Variants in AGAP1 observed in about 807,000 individuals in gnomAD.
AGAP1 encodes arf-GAP with GTPase, ANK repeat and PH domain-containing protein 1.
AGAP1 carries 29 observed loss-of-function variants against 105.3 expected under a neutral mutation model. That is an observed-to-expected ratio of 0.28 (90% CI 0.21 to 0.38). The LOEUF (loss-of-function observed/expected upper bound fraction) is 0.38, where lower values mean the gene tolerates loss of function less well. Among genes scored for constraint, AGAP1 ranks in the 10% least tolerant of loss-of-function variants. The pLI, the probability that AGAP1 is intolerant of heterozygous loss-of-function variation, is 1.00. For missense variants in AGAP1, 998 were observed against 1,165.1 expected (o/e 0.86, Z 2.09); for synonymous variants, 509 against 485.9 (o/e 1.05, Z -0.63).
intron 9 of AGAP1, among the ~76,000 whole-genome samples, chr2:235,876,580 C>G (rs1286527078): frequency 5.9e-5 from 9 of 152,180 alleles, no homozygotes; most frequent in Admixed American, 2.6e-4. Flanking sequence ...GTGGCTGATA[C>G]CAAAGTCTTC....
At chr2:235,735,674 C>T (rs1306283946) in intron 3 of AGAP1, among the ~76,000 whole-genome samples, 1 of 152,128 alleles carries the variant, frequency 6.6e-6, no homozygotes, top group Non-Finnish European at 1.5e-5. Flanking sequence ...GGAAATAACT[C>T]AGTTCCACCT....
In AGAP1 at chr2:236,056,849, G is replaced by T. The variant is rs768336215; in HGVS notation, c.2114+7568G>T. Among the ~76,000 whole-genome samples the T allele has an allele frequency of 3.3e-5, 5 of 152,086 alleles. No homozygotes were observed. Among genetic ancestry groups the T allele is most frequent in the South Asian group, 2.1e-4 (1 of 4,826 alleles). On this transcript the variant is annotated intron_variant, in intron 16 of 17. Transcript: ENST00000304032. The surrounding 1 kb of genome is among the most constrained non-coding windows in gnomAD (Gnocchi z 4.6). ...GCACCAAGATCTGACTCCAGATGCC[G>T]CTCTGCAGTCCTGCTGCTGCTCCTG... is the stretch of plus-strand genomic sequence containing the variant.
chr2:235,981,754 A>G lies in AGAP1; in HGVS notation c.1645+13131A>G, dbSNP rs974816483. On this transcript the variant is annotated intron_variant, in intron 13 of 17. Coordinates refer to ENST00000304032, the MANE Select transcript of AGAP1 (RefSeq NM_001037131.3). The surrounding 1 kb of genome is among the most constrained non-coding windows in gnomAD (Gnocchi z 5.5). ...TAACTGAGGAAACCGAGGGTCATAA[A>G]GTTTAAGTAACTTGCTCAAGGCCAT... Among the ~76,000 whole-genome samples, 1 of 152,176 alleles carries G rather than the reference A, an allele frequency of 6.6e-6. No individual in the cohort carries two copies. Among genetic ancestry groups the G allele is most frequent in the East Asian group, 1.9e-4 (1 of 5,188 alleles).
chr2:235,532,698 T>C (rs1943084701), intron 1 of AGAP1, among the ~76,000 whole-genome samples: 1 of 152,190 alleles, frequency 6.6e-6, no homozygotes, highest in African/African-American at 2.4e-5. Flanking sequence ...CTGGATGCTT[T>C]AAATAAAAAA....
intron 12 of AGAP1, among the ~76,000 whole-genome samples, chr2:235,935,978 G>T (rs987720934): frequency 1.3e-5 from 2 of 152,136 alleles, no homozygotes; most frequent in African/African-American, 4.8e-5. Context: ...AGCCTGGCCC[G>T]GCCCTCCCCG....
rs1391954758 is a variant in AGAP1 at position 235,777,207 on chromosome 2, A to C, written c.674-20552A>C. 2.6e-5 allele frequency among the ~76,000 whole-genome samples: 4 copies of C among 152,172 alleles called. No homozygotes were observed. The South Asian group carries it at 6.2e-4, about 24-fold the overall frequency. On this transcript the variant is annotated intron_variant, in intron 6 of 17. Coordinates refer to ENST00000304032, the MANE Select transcript of AGAP1 (RefSeq NM_001037131.3). This position sits in a 1 kb window ranked among gnomAD's most constrained non-coding sequence, Gnocchi z 5.1. Reference sequence around the variant, plus strand: ...CCCTGTCTCTACTAAAAATACAAAAAATTAGCCAGGCGTGCGCCTGTAATC... The same window carrying C: ...CCCTGTCTCTACTAAAAATACAAAACATTAGCCAGGCGTGCGCCTGTAATC...
intron 5 of AGAP1, among the ~76,000 whole-genome samples, chr2:235,746,485 G>A (rs998032555): frequency 3.4e-5 from 5 of 146,338 alleles, no homozygotes; most frequent in African/African-American, 1.0e-4. Context: ...ACAGAAGGGA[G>A]GAGGGATTCT....
In AGAP1 at chr2:235,551,514, G is replaced by C. The variant is rs986501341; in HGVS notation, c.163+56665G>C. Among the ~76,000 whole-genome samples, 1 of 152,016 alleles carries C rather than the reference G, an allele frequency of 6.6e-6. No individual in the cohort carries two copies. The highest frequency in any genetic ancestry group is 6.5e-5 in the Admixed American group (1 of 15,272). The stretch of plus-strand genomic sequence containing the variant: ...GGGTCGTCCAGTGATACTCAGATTG[G>C]TCTCTAACTCCTGGGCTCAAGGGAT... On this transcript the variant is annotated intron_variant, in intron 1 of 17. Coordinates refer to ENST00000304032, the MANE Select transcript of AGAP1 (RefSeq NM_001037131.3). This position sits in a 1 kb window ranked among gnomAD's most constrained non-coding sequence, Gnocchi z 4.8.
rs1166523228 is a variant in AGAP1 at position 235,604,572 on chromosome 2, C to CTTTTTTTTTTTTTTTTT, written c.164-104595_164-104579dup. ...CGTGTTTCTTTTTTATTTTTATTAT[C>CTTTTTTTTTTTTTTTTT]TTTTTTTTTTTTTTTTTTTTTTTTT... On this transcript the variant is annotated intron_variant, in intron 1 of 17. Transcript: ENST00000304032. Among the ~76,000 whole-genome samples, 11 of 69,672 alleles carry CTTTTTTTTTTTTTTTTT rather than the reference C, an allele frequency of 1.6e-4. 1 individual carries two copies. Among genetic ancestry groups the CTTTTTTTTTTTTTTTTT allele is most frequent in the African/African-American group, 2.7e-4 (4 of 14,974 alleles). The allele number at this position is 69,672 out of a possible 152,430, so 45.7% of individuals were successfully genotyped here. A position where few individuals can be genotyped will look rare whatever the true frequency, so the allele number is the denominator to read the frequency against.
At chr2:235,880,348 G>T (rs1166385075) in intron 9 of AGAP1, among the ~76,000 whole-genome samples, 1 of 152,112 alleles carries the variant, frequency 6.6e-6, no homozygotes, top group South Asian at 2.1e-4. Flanking sequence ...GCATTTGTCT[G>T]AGTGGGAAGG....
In AGAP1 at chr2:236,080,669, G is replaced by A. The variant is rs929938449; in HGVS notation, c.2114+31388G>A. Among the ~76,000 whole-genome samples the A allele has an allele frequency of 1.1e-4, 16 of 152,184 alleles. No homozygotes were observed. Among genetic ancestry groups the A allele is most frequent in the Non-Finnish European group, 1.5e-4 (10 of 68,036 alleles). The stretch of plus-strand genomic sequence containing the variant: ...CCCACTTAGTGGTTTAAAGTAACAC[G>A]GAAGTATTCCATTACAGTTCTGGAG... On this transcript the variant is annotated intron_variant, in intron 16 of 17. Coordinates refer to ENST00000304032, the MANE Select transcript of AGAP1 (RefSeq NM_001037131.3). This position sits in a 1 kb window ranked among gnomAD's most constrained non-coding sequence, Gnocchi z 4.2.
At position 235,784,961 on chromosome 2, in the gene AGAP1, C is replaced by G. The variant is rs376594773; in HGVS notation, c.674-12798C>G. Among the ~76,000 whole-genome samples the G allele has an allele frequency of 3.1e-4, 47 of 152,310 alleles. 1 individual carries two copies. The East Asian group carries it at 7.3e-3, about 24-fold the overall frequency. On this transcript the variant is annotated intron_variant, in intron 6 of 17. Transcript: ENST00000304032. ...ACCAAGTGGAAATCTGTTTTGTCAT[C>G]TCATCCTTCTTCCTAATTGCATCAC...
At chr2:235,738,062 G>T (rs1412607621) in intron 3 of AGAP1, among the ~76,000 whole-genome samples, 1 of 152,130 alleles carries the variant, frequency 6.6e-6, no homozygotes, top group East Asian at 1.9e-4. Context: ...GGTCGGGACG[G>T]TGTGGCGGCG....
intron 1 of AGAP1, among the ~76,000 whole-genome samples, chr2:235,650,351 G>A (rs894805980): frequency 1.3e-5 from 2 of 152,172 alleles, no homozygotes; most frequent in African/African-American, 4.8e-5. Flanking sequence ...CACAGAGTGA[G>A]TTCTGGGAGT....
chr2:236,028,998 C>G (rs1447158972), intron 13 of AGAP1, among the ~76,000 whole-genome samples: 3 of 151,846 alleles, frequency 2.0e-5, no homozygotes, highest in African/African-American at 4.8e-5. Flanking sequence ...AGAGGTTTAC[C>G]ACATGGACTT....
In AGAP1 at chr2:235,908,772, A is replaced by G; in HGVS notation, c.1190A>G (p.Asp397Gly). The stretch of plus-strand genomic sequence containing the variant: ...CAGAATGTTCATGGTAAGGAGATTG[A>G]CCTTCTGAGAACCACTGTGAAAGTC... The part of the protein sequence containing the change: ...YMQNVHGKEI[D>G]LLRTTVKVPG... Residue 397 changes from aspartate to glycine, a missense_variant, in exon 11 of 18, where the codon GAC becomes GGC. Physicochemically the swap from Asp to Gly is moderately conservative, Grantham distance 94 (BLOSUM62 -1). Coordinates refer to ENST00000304032, the MANE Select transcript of AGAP1 (RefSeq NM_001037131.3). The surrounding 1 kb of genome is among the most constrained non-coding windows in gnomAD (Gnocchi z 4.4). The G allele has an allele frequency of 6.2e-7, 1 of 1,613,412 alleles. No individual in the cohort carries two copies. The highest frequency in any genetic ancestry group is 8.5e-7 in the Non-Finnish European group (1 of 1,179,788).
rs1204132107 is a variant in AGAP1, at chr2:235,879,461, A to G, written c.1051-3884A>G. 6.6e-6 allele frequency among the ~76,000 whole-genome samples: 1 copy of G among 152,236 alleles called. No homozygotes were observed. Among genetic ancestry groups the G allele is most frequent in the Non-Finnish European group, 1.5e-5 (1 of 68,038 alleles). On this transcript the variant is annotated intron_variant, in intron 9 of 17. Transcript: ENST00000304032. The surrounding 1 kb of genome is among the most constrained non-coding windows in gnomAD (Gnocchi z 5.0). ...TATTCTGTAGTCCTGCCACTTACGC[A>G]GCATTTGAATAGTGCCTATAATCCA... is the stretch of plus-strand genomic sequence containing the variant.
Position 235,835,271 on chromosome 2 carries a change from G to A in AGAP1, c.1050+27940G>A, listed in dbSNP as rs1960005197. On this transcript the variant is annotated intron_variant, in intron 9 of 17. Transcript: ENST00000304032. Reference sequence around the variant, plus strand: ...TGCACCAAAATGTTTATAACCCTTGGAAGGTGTCAGAGCCTGTACACCCCA... The same window carrying A: ...TGCACCAAAATGTTTATAACCCTTGAAAGGTGTCAGAGCCTGTACACCCCA... Among the ~76,000 whole-genome samples, 3 of 152,184 alleles carry A rather than the reference G, an allele frequency of 2.0e-5. No individual in the cohort carries two copies. The South Asian group carries it at 6.2e-4, about 32-fold the overall frequency.
intron 13 of AGAP1, among the ~76,000 whole-genome samples, chr2:236,029,356 A>G (rs1576110372): frequency 6.7e-6 from 1 of 150,256 alleles, no homozygotes; most frequent in African/African-American, 2.5e-5. Flanking sequence ...GCTCACTGCA[A>G]CCTCCGCCTC....
Sources: gnomAD v4.1 joint callset for allele counts (sites outside exome capture counted in the v4.1 genomes callset) on GRCh38, gnomAD v4.1.1 for gene constraint, Gnocchi (gnomAD v3.1) non-coding constraint, MANE v1.5 for transcripts, NCBI Gene and HGNC (gene_info 2026-07-23, HGNC 2026-07-21) for gene names.